The following EMSY variants were observed in gnomAD, a reference collection of about 807,000 sequenced individuals.
The protein encoded by EMSY is EMSY transcriptional repressor, BRCA2 interacting, also known as BRCA2-interacting transcriptional repressor EMSY.
Under a neutral mutation model 134.6 loss-of-function variants are expected in EMSY, and 26 were observed. That is an observed-to-expected ratio of 0.19 (90% confidence interval 0.14 to 0.27). The LOEUF (loss-of-function observed/expected upper bound fraction) is 0.27. Among genes scored for constraint, EMSY ranks in the 10% least tolerant of loss-of-function variants. The pLI is 1.00. For missense variants in EMSY, 1,305 were observed against 1,611.4 expected (o/e 0.81, Z 3.26); for synonymous variants, 579 against 577.8 (o/e 1.00, Z -0.03).
At chr11:76,532,698 A>T (rs1468632734) in intron 14 of EMSY, among the ~76,000 whole-genome samples, 2 of 152,188 alleles carry the variant, frequency 1.3e-5, no homozygotes, top group Non-Finnish European at 2.9e-5. Context: ...ATATTAAGTG[A>T]AGTGGAAGAA....
rs367835459 is a variant in EMSY at position 76,472,591 on chromosome 11, T to C, written c.859T>C (p.Ser287Pro). Residue 287 changes from serine (S) to proline (P), a missense_variant, in exon 8 of 21, where the codon TCA becomes CCA. Physicochemically the swap from Ser to Pro is moderately conservative, Grantham distance 74 (BLOSUM62 -1). This residue lies in a region of EMSY where 205 missense variants were observed against 268.6 expected (regional missense o/e 0.76). Coordinates refer to ENST00000334736, the Ensembl canonical transcript of EMSY. ...TATTATAGTCACCACATCACCAAGC[T>C]CAACCTTCGTGCCCAACATTCTCTC... is the stretch of plus-strand genomic sequence containing the variant. 1.9e-5 allele frequency: 30 copies of C among 1,613,990 alleles called. No homozygotes were observed. The African/African-American group carries it at 3.9e-4, about 21-fold the overall frequency.
At chr11:76,507,566 T>G (rs1197014068) in intron 9 of EMSY, among the ~76,000 whole-genome samples, 1 of 152,182 alleles carries the variant, frequency 6.6e-6, no homozygotes, top group African/African-American at 2.4e-5. Flanking sequence ...GAAACCACAT[T>G]CGTTGTTCAT....
chr11:76,536,124 C>T (rs1291391432), intron 15 of EMSY, 65 bp downstream of exon 16: 5 of 1,058,252 alleles, frequency 4.7e-6, no homozygotes, highest in African/African-American at 1.7e-5. Flanking sequence ...TGCTAAAATA[C>T]TACCACTGTT....
At chr11:76,534,559 GA>G (rs1951159016) in intron 14 of EMSY, among the ~76,000 whole-genome samples, 1 of 152,090 alleles carries the variant, frequency 6.6e-6, no homozygotes, top group African/African-American at 2.4e-5. Context: ...TTTGTTGGAA[GA>G]GTTGTTCCCC....
intron 8 of EMSY, among the ~76,000 whole-genome samples, chr11:76,476,002 CTCTT>C (rs962417550): frequency 1.3e-5 from 2 of 152,236 alleles, no homozygotes; most frequent in Non-Finnish European, 2.9e-5. Flanking sequence ...AGTCTTCTCT[CTCTT>C]TTGTCCTTGC....
At chr11:76,546,407 CATAG>C in intron 20 of EMSY, 110 bp downstream of exon 21, 1 of 1,383,768 alleles carries the variant, frequency 7.2e-7, no homozygotes, top group Non-Finnish European at 9.7e-7. Flanking sequence ...AGCAGGAAGA[CATAG>C]ATATTATCTT....
At chr11:76,512,309 G>A (rs1950306285) in intron 9 of EMSY, among the ~76,000 whole-genome samples, 1 of 151,900 alleles carries the variant, frequency 6.6e-6, no homozygotes, top group Admixed American at 6.6e-5. Flanking sequence ...TTTACCCCAA[G>A]ATAACTTTGC....
intron 2 of EMSY, among the ~76,000 whole-genome samples, chr11:76,451,582 T>A (rs183303704): frequency 3.3e-5 from 5 of 152,340 alleles, no homozygotes; most frequent in Non-Finnish European, 5.9e-5. Context: ...ATTTGTGTTA[T>A]ATGTTTTTTA....
At chr11:76,513,620 G>A in intron 10 of EMSY, 85 bp downstream of exon 11, 1 of 1,425,244 alleles carries the variant, frequency 7.0e-7, no homozygotes, top group Non-Finnish European at 9.6e-7. Context: ...TTGACACTTG[G>A]GATATAGAGA....
chr11:76,516,196 C>G (rs1465126141), exon 11 of EMSY: 1 of 1,613,886 alleles, frequency 6.2e-7, no homozygotes, highest in African/African-American at 1.3e-5. Context: ...GGTCGGATGG[C>G]TGCAACCCCT....
intron 8 of EMSY, among the ~76,000 whole-genome samples, chr11:76,487,580 T>C (rs1949240095): frequency 6.6e-6 from 1 of 152,210 alleles, no homozygotes; most frequent in Admixed American, 6.5e-5. Context: ...AGTTCAGAGT[T>C]AGGAATGGTG....
At chr11:76,470,318 C>G (rs1291054156) in intron 7 of EMSY, among the ~76,000 whole-genome samples, 1 of 151,998 alleles carries the variant, frequency 6.6e-6, no homozygotes, top group African/African-American at 2.4e-5. Flanking sequence ...TTGGGTTTTA[C>G]TATACCACCC....
In EMSY at chr11:76,463,810, T is replaced by C. The variant is rs573644468; in HGVS notation, c.572-11T>C. The C allele has an allele frequency of 1.9e-6, 3 of 1,613,880 alleles. No individual in the cohort carries two copies. The highest frequency in any genetic ancestry group is 4.5e-5 in the East Asian group (2 of 44,872). On this transcript the variant is annotated splice_polypyrimidine_tract_variant and intron_variant, in intron 6 of 20. Coordinates refer to ENST00000334736, the Ensembl canonical transcript of EMSY. ...TGGTATACATATAGCAGTATTGTCA[T>C]TGCCCTTCAGGTGTAAGCTGTTCAG... is the stretch of plus-strand genomic sequence containing the variant.
At chr11:76,494,615 TTGCC>T (rs150587347) in intron 8 of EMSY, among the ~76,000 whole-genome samples, 2 of 136,408 alleles carry the variant, frequency 1.5e-5, no homozygotes, top group African/African-American at 2.7e-5. Flanking sequence ...TCTGACTACC[TTGCC>T]TGCCTGCCTG....
At chr11:76,468,084 C>T (rs1190380753) in intron 7 of EMSY, among the ~76,000 whole-genome samples, 1 of 151,934 alleles carries the variant, frequency 6.6e-6, no homozygotes, top group East Asian at 1.9e-4. Context: ...GTGGACTTAG[C>T]TAAAAATACG....
chr11:76,487,223 T>C (rs1949223996), intron 8 of EMSY, among the ~76,000 whole-genome samples: 1 of 152,210 alleles, frequency 6.6e-6, no homozygotes, highest in Admixed American at 6.5e-5. Context: ...GAGCTTGCAG[T>C]GAGCTGAGAT....
chr11:76,518,370 G>A (rs890637848), intron 11 of EMSY, among the ~76,000 whole-genome samples: 1 of 151,252 alleles, frequency 6.6e-6, no homozygotes, highest in Non-Finnish European at 1.5e-5. Context: ...GTTTTGCCAT[G>A]TTACCCAGGC....
In EMSY at chr11:76,505,201, C is replaced by T. The variant is rs149197588; in HGVS notation, c.1364-8185C>T. On this transcript the variant is annotated intron_variant, in intron 9 of 20. Coordinates refer to ENST00000334736, the Ensembl canonical transcript of EMSY. The stretch of plus-strand genomic sequence containing the variant: ...TAAAGCTCTTTAAGAAAAGAAAATT[C>T]GGCCGGGAGCGGTGGCTCATGCCTG... 9.2e-3 allele frequency among the ~76,000 whole-genome samples: 1,397 copies of T among 152,078 alleles called. 22 individuals carry two copies. The highest frequency in any genetic ancestry group is 0.032 in the African/African-American group (1,331 of 41,516).
At chr11:76,455,549 TC>T (rs1288704276) in intron 4 of EMSY, among the ~76,000 whole-genome samples, 3 of 151,944 alleles carry the variant, frequency 2.0e-5, no homozygotes, top group African/African-American at 7.2e-5. Flanking sequence ...CCCTTTCTCC[TC>T]CCCTCCCCTC....
Sources: gnomAD v4.1 joint callset for allele counts (sites outside exome capture counted in the v4.1 genomes callset) on GRCh38, gnomAD v4.1.1 for gene constraint, gnomAD v4.1.1 regional missense constraint, MANE v1.5 for transcripts, NCBI Gene and HGNC (gene_info 2026-07-23, HGNC 2026-07-21) for gene names.